UNC13C: variants seen among roughly 807,000 people sequenced by gnomAD.
UNC13C encodes the protein unc-13 homolog C, also known as protein unc-13 homolog C.
UNC13C carries 174 observed loss-of-function variants against 245.4 expected under a neutral mutation model. The ratio of observed to expected loss-of-function variants is 0.71; its 90% confidence interval spans 0.63 to 0.80. The LOEUF (loss-of-function observed/expected upper bound fraction) is 0.80, where lower values mean the gene tolerates loss of function less well. Ranked by LOEUF, UNC13C falls within the 30% of genes least tolerant of loss-of-function variation. UNC13C has a pLI of 0.00. For missense variants in UNC13C, 2,829 were observed against 2,602.9 expected, an observed-to-expected ratio of 1.09 and a Z score of -1.89; for synonymous variants, 992 against 895.1, an observed-to-expected ratio of 1.11 and a Z score of -1.93.
At chr15:54,167,426 C>A (rs1444994490) in intron 4 of UNC13C, among the ~76,000 whole-genome samples, 5 of 145,926 alleles carry the variant, frequency 3.4e-5, no homozygotes, top group Admixed American at 1.4e-4. Context: ...GGCGTGAACC[C>A]GGGAGGCGGA....
At chr15:54,256,220 T>A (rs1033656971) in intron 8 of UNC13C, among the ~76,000 whole-genome samples, 1 of 152,202 alleles carries the variant, frequency 6.6e-6, no homozygotes, top group Non-Finnish European at 1.5e-5. Context: ...AAGTGTGTTT[T>A]ATTACTTATT....
chr15:54,156,648 G>T (rs1268989833), intron 4 of UNC13C, among the ~76,000 whole-genome samples: 1 of 151,878 alleles, frequency 6.6e-6, no homozygotes, highest in Non-Finnish European at 1.5e-5. Flanking sequence ...TCCTTTCCAG[G>T]CTAGAGCTGA....
intron 13 of UNC13C, among the ~76,000 whole-genome samples, chr15:54,313,818 TATCTGTAGTCCCATGTTCATTGCAGC>T (rs2037937013): frequency 6.6e-6 from 1 of 151,662 alleles, no homozygotes; most frequent in Non-Finnish European, 1.5e-5. Context: ...GTCAAAGATA[TATCTGTAGTCCCATGTTCATTGCAGC>T]ATTAGTCACA....
chr15:54,598,884 C>T (rs1202726654), intron 30 of UNC13C, among the ~76,000 whole-genome samples: 1 of 152,048 alleles, frequency 6.6e-6, no homozygotes, highest in Non-Finnish European at 1.5e-5. Context: ...GTTTGTTTTC[C>T]TTCAATAACA....
At chr15:54,103,257 A>G (rs893143882) in intron 2 of UNC13C, among the ~76,000 whole-genome samples, 4 of 152,188 alleles carry the variant, frequency 2.6e-5, no homozygotes, top group East Asian at 1.9e-4. Context: ...TTTTACACAC[A>G]TAGAAACACC....
At chr15:54,536,805 A>G (rs1475355795) in intron 26 of UNC13C, among the ~76,000 whole-genome samples, 1 of 152,114 alleles carries the variant, frequency 6.6e-6, no homozygotes, top group African/African-American at 2.4e-5. Context: ...AACCCTCAAC[A>G]AACTAGGCAT....
chr15:54,044,089 C>T (rs565211768), intron 2 of UNC13C, among the ~76,000 whole-genome samples: 2 of 152,264 alleles, frequency 1.3e-5, no homozygotes, highest in South Asian at 4.1e-4. Flanking sequence ...TTTCCCCTGC[C>T]CCCAGCCTCT....
At chr15:54,348,594 C>T (rs1437573810) in intron 17 of UNC13C, among the ~76,000 whole-genome samples, 1 of 152,046 alleles carries the variant, frequency 6.6e-6, no homozygotes, top group African/African-American at 2.4e-5. Flanking sequence ...GAAAATATCA[C>T]CGTAGAATAG....
chr15:54,112,721 G>A (rs1897081), intron 2 of UNC13C, among the ~76,000 whole-genome samples: 149,474 of 152,310 alleles, frequency 0.98, 73,421 homozygotes, highest in Middle Eastern at 1. Flanking sequence ...TTATAAAAAG[G>A]GAAACCTTAC....
At chr15:54,337,338 A>G (rs1056742599) in intron 16 of UNC13C, among the ~76,000 whole-genome samples, 1 of 152,204 alleles carries the variant, frequency 6.6e-6, no homozygotes, top group African/African-American at 2.4e-5. Context: ...ATCTCTAACC[A>G]GAACTTTTCC....
chr15:54,500,719 C>G lies in UNC13C; in HGVS notation c.5158-116C>G, dbSNP rs1212066328. On this transcript the variant is annotated intron_variant, in intron 21 of 32. Coordinates refer to ENST00000260323, the MANE Select transcript of UNC13C (RefSeq NM_001080534.3). ...TTTAAAGTGGGTAAGCATTTTATTACTGGGAAATGTAAATATGTGATACGG... is the reference window on the plus strand; with the variant it reads ...TTTAAAGTGGGTAAGCATTTTATTAGTGGGAAATGTAAATATGTGATACGG... The G allele has an allele frequency of 8.7e-6, 7 of 808,980 alleles. No individual in the cohort carries two copies. In the African/African-American group the frequency reaches 1.0e-4, roughly 12 times the overall value. The allele number at this position is 808,980 out of a possible 1,614,324, so 50.1% of individuals were successfully genotyped here.
intron 18 of UNC13C, among the ~76,000 whole-genome samples, chr15:54,406,530 T>C (rs994447586): frequency 7.2e-5 from 11 of 152,222 alleles, no homozygotes; most frequent in African/African-American, 2.7e-4. Context: ...TCCTAAATCC[T>C]GTCAGGAGAA....
chr15:54,108,223 G>T (rs950068501), intron 2 of UNC13C, among the ~76,000 whole-genome samples: 1 of 151,774 alleles, frequency 6.6e-6, no homozygotes, highest in Non-Finnish European at 1.5e-5. Context: ...GTCTCGCTCT[G>T]TCGCCCAGGC....
At chr15:54,556,748 GA>G (rs11286916) in intron 29 of UNC13C, among the ~76,000 whole-genome samples, 136,220 of 151,832 alleles carry the variant, frequency 0.9, 61,293 homozygotes, top group African/African-American at 0.97. Flanking sequence ...CATGCTAGTA[GA>G]AAAAAAATAA....
At chr15:54,625,736 A>G (rs2681967) in intron 32 of UNC13C, among the ~76,000 whole-genome samples, 152,150 of 152,234 alleles carry the variant, frequency 1, 76,033 homozygotes, top group Middle Eastern at 1. Flanking sequence ...CTACTCTATC[A>G]AAAGGGTCCT....
chr15:54,075,052 A>G (rs1168675495), intron 2 of UNC13C, among the ~76,000 whole-genome samples: 1 of 152,146 alleles, frequency 6.6e-6, no homozygotes, highest in African/African-American at 2.4e-5. Flanking sequence ...CTGTGCTCCA[A>G]CATTTACTAT....
intron 30 of UNC13C, among the ~76,000 whole-genome samples, chr15:54,601,817 A>T (rs1474511146): frequency 6.6e-6 from 1 of 152,198 alleles, no homozygotes; most frequent in Admixed American, 6.5e-5. Flanking sequence ...CATTCACTTA[A>T]GAACATGTTT....
chr15:53,982,828 A>T (rs762525881), intron 1 of UNC13C, among the ~76,000 whole-genome samples: 5 of 152,080 alleles, frequency 3.3e-5, no homozygotes, highest in African/African-American at 7.2e-5. Flanking sequence ...TAGTTCCTCA[A>T]CTCAGAGATT....
At chr15:54,234,983 G>A (rs750118431) in intron 4 of UNC13C, 47 bp from the exon 5 acceptor site, 4 of 1,538,998 alleles carry the variant, frequency 2.6e-6, no homozygotes, top group Non-Finnish European at 9.0e-7. Flanking sequence ...TTTCTTACAA[G>A]AAGTCATTTT....
Sources: gnomAD v4.1 joint callset for allele counts (sites outside exome capture counted in the v4.1 genomes callset) on GRCh38, gnomAD v4.1.1 for gene constraint, MANE v1.5 for transcripts, NCBI Gene and HGNC (gene_info 2026-07-23, HGNC 2026-07-21) for gene names.